CEP290: variants seen among roughly 807,000 people sequenced by gnomAD.
CEP290 encodes the protein centrosomal protein of 290 kDa.
Under a neutral mutation model 344.9 loss-of-function variants are expected in CEP290, and 317 were observed. The ratio of observed to expected loss-of-function variants is 0.92; its 90% CI spans 0.84 to 1.01. The LOEUF is 1.01. CEP290 is among the 50% of genes least tolerant of loss of function. The probability of loss-of-function intolerance (pLI) is 0.00; values close to 1 mark genes in which losing one functional copy is unlikely to be tolerated. For synonymous variants in CEP290, 932 were observed against 895.8 expected, an observed-to-expected ratio of 1.04 and a Z score of -0.72; for missense variants, 2,754 against 2,761.4, an observed-to-expected ratio of 1.00 and a Z score of 0.06.
intron 27 of CEP290, among the ~76,000 whole-genome samples, chr12:88,095,647 AGT>A (rs1362736470): frequency 6.6e-6 from 1 of 152,308 alleles, no homozygotes; most frequent in Admixed American, 6.5e-5. Flanking sequence ...AAGATTTCCC[AGT>A]GTTAGGCTTC....
At chr12:88,064,463 A>C (rs535980004) in intron 44 of CEP290, among the ~76,000 whole-genome samples, 1 of 152,228 alleles carries the variant, frequency 6.6e-6, no homozygotes, top group South Asian at 2.1e-4. Context: ...TATGGGTTGA[A>C]CTGTGTTCCC....
chr12:88,055,483 T>C (rs1477368141), intron 50 of CEP290, 93 bp downstream of exon 50: 2 of 1,156,800 alleles, frequency 1.7e-6, no homozygotes, highest in African/African-American at 3.3e-5. Flanking sequence ...GTCTTCTTAA[T>C]AGAGTCCATT....
chr12:88,073,662 T>C (rs1221569532), intron 41 of CEP290, among the ~76,000 whole-genome samples: 3 of 152,244 alleles, frequency 2.0e-5, no homozygotes, highest in African/African-American at 4.8e-5. Context: ...CCTGGGGAGA[T>C]GGCTCATGCT....
At chr12:88,062,538 A>T (rs1466262485) in intron 46 of CEP290, among the ~76,000 whole-genome samples, 154 bp downstream of exon 46, 1 of 152,194 alleles carries the variant, frequency 6.6e-6, no homozygotes. Flanking sequence ...ACACATAGAA[A>T]TGCTTACTGT....
intron 11 of CEP290, among the ~76,000 whole-genome samples, chr12:88,126,659 C>A (rs1290124070): frequency 1.3e-5 from 2 of 151,946 alleles, no homozygotes; most frequent in Admixed American, 1.3e-4. Flanking sequence ...ACCGAATTTT[C>A]TTTTTTTATA....
intron 21 of CEP290, 133 bp from the exon 22 acceptor site, chr12:88,111,484 A>G: frequency 1.1e-6 from 1 of 936,064 alleles, no homozygotes. Context: ...ATGCCTAGGT[A>G]TGAGATTTAG....
chr12:88,077,280 A>C lies in CEP290; in HGVS notation c.5651T>G (p.Leu1884Arg). The change falls in exon 41 of 54, where the codon CTA becomes CGA. Residue 1884 changes from leucine (L) to arginine (R), a missense_variant. By Grantham distance (102) the Leu-to-Arg change is moderately radical. Transcript: ENST00000552810. ...CACCTTTCCCTCTAATTGGTTCTCTAGTTTTTTAACTTTCCTTTGGAGTTC... is the reference window on the plus strand; with the variant it reads ...CACCTTTCCCTCTAATTGGTTCTCTCGTTTTTTAACTTTCCTTTGGAGTTC... Reference protein sequence around the residue: ...IEELQRKVKKLENQLEGKVEE... With the variant: ...IEELQRKVKKRENQLEGKVEE... The C allele has an allele frequency of 6.2e-7, 1 of 1,603,982 alleles. No individual in the cohort carries two copies. The highest frequency in any genetic ancestry group is 8.5e-7 in the Non-Finnish European group (1 of 1,175,672).
At chr12:88,107,738 C>G (rs966706706) in intron 23 of CEP290, among the ~76,000 whole-genome samples, 1 of 151,652 alleles carries the variant, frequency 6.6e-6, no homozygotes, top group Non-Finnish European at 1.5e-5. Flanking sequence ...TCCGTCTTTA[C>G]CAAAAATACA....
intron 25 of CEP290, among the ~76,000 whole-genome samples, chr12:88,105,571 T>A (rs1383666114): frequency 6.6e-6 from 1 of 152,228 alleles, no homozygotes; most frequent in Non-Finnish European, 1.5e-5. Flanking sequence ...TAGAAAATTA[T>A]GATGTTTGCA....
intron 14 of CEP290, among the ~76,000 whole-genome samples, chr12:88,120,537 C>G (rs543911184): frequency 6.6e-6 from 1 of 152,046 alleles, no homozygotes; most frequent in Admixed American, 6.6e-5. Flanking sequence ...AAAACACTTA[C>G]CAAAATACTA....
At chr12:88,106,398 T>G (rs889211733) in intron 25 of CEP290, among the ~76,000 whole-genome samples, 1 of 152,194 alleles carries the variant, frequency 6.6e-6, no homozygotes, top group African/African-American at 2.4e-5. Context: ...ATCAGGGTAT[T>G]AGGCGATATT....
Position 88,141,266 on chromosome 12 carries a change from G to A in CEP290, c.42C>T (p.Asp14=). The A allele has an allele frequency of 1.2e-6, 2 of 1,611,370 alleles. No homozygotes were observed. Among genetic ancestry groups the A allele is most frequent in the South Asian group, 2.2e-5 (2 of 90,194 alleles). Residue 14 remains aspartate, a synonymous_variant, in exon 2 of 54, where the codon GAC becomes GAT. Transcript: ENST00000552810. ...CTTCTTGACGGGGCAGGTCATCTGG[G>A]TCAACTTTCATTATTTCTTTCCAGT... is the stretch of plus-strand genomic sequence containing the variant. ...NINWKEIMKV[D]PDDLPRQEEL... is the part of the protein sequence containing the mutation.
intron 38 of CEP290, among the ~76,000 whole-genome samples, 184 bp downstream of exon 38, chr12:88,079,998 C>T (rs574060649): frequency 1.1e-4 from 17 of 152,244 alleles, no homozygotes; most frequent in Admixed American, 6.5e-4. Flanking sequence ...ATAAATTGGA[C>T]TATATCTGCC....
At chr12:88,139,064 C>T in intron 5 of CEP290, 81 bp downstream of exon 5, 1 of 741,606 alleles carries the variant, frequency 1.3e-6, no homozygotes, top group South Asian at 1.6e-5. Flanking sequence ...ATTTTTCCAG[C>T]CAACAATAAT....
At chr12:88,052,251 TATC>T (rs903292079) in intron 52 of CEP290, among the ~76,000 whole-genome samples, 60 of 152,322 alleles carry the variant, frequency 3.9e-4, no homozygotes, top group African/African-American at 1.4e-3. Flanking sequence ...ATGGCATCTC[TATC>T]ATCCTATCAC....
intron 31 of CEP290, 129 bp downstream of exon 31, chr12:88,088,903 T>TG: frequency 1.8e-6 from 1 of 546,652 alleles, no homozygotes; most frequent in Non-Finnish European, 3.0e-6. Context: ...CTACAACTAC[T>TG]CAGGAGGCTG....
intron 6 of CEP290, among the ~76,000 whole-genome samples, chr12:88,134,613 A>G (rs2040254057): frequency 6.6e-6 from 1 of 152,030 alleles, no homozygotes; most frequent in African/African-American, 2.4e-5. Context: ...TTCAAATCCT[A>G]CCTTTACCAT....
At chr12:88,120,088 A>T in intron 15 of CEP290, 26 bp downstream of exon 15, 1 of 1,403,316 alleles carries the variant, frequency 7.1e-7, no homozygotes, top group Non-Finnish European at 9.4e-7. Flanking sequence ...GGTTGCGCAA[A>T]CTATGTAACT....
At position 88,077,303 on chromosome 12, in the gene CEP290, T is replaced by C; in HGVS notation, c.5628A>G (p.Glu1876=). ...CTAGTTTTTTAACTTTCCTTTGGAG[T>C]TCTTCAATTAGACTTTGTTTATTAT... ...LTDNKQSLIE[E]LQRKVKKLEN... The change falls in exon 41 of 54, where the codon GAA becomes GAG. Residue 1876 remains glutamate (E), a synonymous_variant. Transcript: ENST00000552810. 1 of 1,592,848 alleles carries C rather than the reference T, an allele frequency of 6.3e-7. No homozygotes were observed. Among genetic ancestry groups the C allele is most frequent in the South Asian group, 1.1e-5 (1 of 87,754 alleles).
Sources: allele counts gnomAD v4.1 joint callset (sites outside exome capture counted in the v4.1 genomes callset), GRCh38; gene constraint gnomAD v4.1.1; transcripts MANE v1.5; gene names NCBI Gene and HGNC (gene_info 2026-07-23, HGNC 2026-07-21).